The following MAGT1 variants were observed in gnomAD, a reference collection of about 807,000 sequenced individuals.
MAGT1 encodes the protein dolichyl-diphosphooligosaccharide--protein glycosyltransferase subunit MAGT1.
MAGT1 carries 4 observed loss-of-function variants against 28.4 expected under a neutral mutation model. That is an observed-to-expected ratio of 0.14 (90% CI 0.07 to 0.32). The LOEUF is 0.32. Among genes scored for constraint, MAGT1 ranks in the 10% least tolerant of loss-of-function variants. The pLI, the probability that MAGT1 is intolerant of heterozygous loss-of-function variation, is 1.00. For missense variants in MAGT1, 193 were observed against 264.5 expected, an observed-to-expected ratio of 0.73 and a Z score of 1.88; for synonymous variants, 89 against 89.7, an observed-to-expected ratio of 0.99 and a Z score of 0.04.
At chrX:77,876,572 A>C (rs782124439) in intron 1 of MAGT1, among the ~76,000 whole-genome samples, 1 of 111,521 alleles carries the variant, frequency 9.0e-6, no homozygotes, top group African/African-American at 3.3e-5. Context: ...ACAAAAAAAC[A>C]ACCCAGAAGT....
At chrX:77,881,705 A>AGTAGT (rs1557218479) in intron 1 of MAGT1, among the ~76,000 whole-genome samples, 4 of 111,050 alleles carry the variant, frequency 3.6e-5, no homozygotes, top group African/African-American at 9.8e-5. Context: ...TGCTATTGTG[A>AGTAGT]GTAGTGCCAA....
Position 77,871,933 on chromosome X carries a change from C to T in MAGT1, c.273-1008G>A, listed in dbSNP as rs190323760. Among the ~76,000 whole-genome samples the T allele has an allele frequency of 3.9e-4, 43 of 111,482 alleles. No homozygotes were observed. The East Asian group carries it at 0.011, about 28-fold the overall frequency. The stretch of plus-strand genomic sequence containing the variant: ...CTCATGATCTGTCAATTCTCATTTG[C>T]GATAAAAGTTTCACTCCATATCCTC... On this transcript the variant is annotated intron_variant, in intron 2 of 9. Coordinates refer to ENST00000618282, the MANE Select transcript of MAGT1 (RefSeq NM_001367916.1).
chrX:77,856,961 C>A, intron 4 of MAGT1, 88 bp from the exon 5 acceptor site: 2 of 875,655 alleles, frequency 2.3e-6, no homozygotes, highest in South Asian at 2.2e-5. Flanking sequence ...TGAAAGCAAT[C>A]AAAATTATTG....
intron 7 of MAGT1, among the ~76,000 whole-genome samples, chrX:77,842,367 C>T (rs987303278): frequency 1.5e-4 from 16 of 110,260 alleles, no homozygotes; most frequent in Non-Finnish European, 3.0e-4. Context: ...GCACTCTAGC[C>T]TGCATGATAG....
chrX:77,876,148 ATATATATATATATATATTTTTTTTTT>A (rs1191609626), intron 1 of MAGT1, among the ~76,000 whole-genome samples: 16 of 29,204 alleles, frequency 5.5e-4, no homozygotes, highest in South Asian at 2.5e-3. Context: ...ATATATATAT[ATATATATATATATATATTTTTTTTTT>A]TTTTTTTTTT....
At position 77,847,408 on chromosome X, in the gene MAGT1, C is replaced by T. The variant is rs1451924437; in HGVS notation, c.827-6088G>A. ...GGTGGGGCGATGCCTCGCCCTGCTT[C>T]GGTTCACGCTCAGTGCGCTGCATCC... On this transcript the variant is annotated intron_variant, in intron 7 of 9. Coordinates refer to ENST00000618282, the MANE Select transcript of MAGT1 (RefSeq NM_001367916.1). Among the ~76,000 whole-genome samples, 8 of 111,995 alleles carry T rather than the reference C, an allele frequency of 7.1e-5. No homozygotes were observed. In the East Asian group the frequency reaches 1.4e-3, roughly 20 times the overall value.
chrX:77,877,459 C>A (rs1439569644), intron 1 of MAGT1, among the ~76,000 whole-genome samples: 1 of 109,433 alleles, frequency 9.1e-6, no homozygotes, highest in Non-Finnish European at 1.9e-5. Flanking sequence ...CCACTGCACT[C>A]CAGCTTGGGT....
rs186937279 is a variant in MAGT1 at position 77,833,927 on chromosome X, A to C, written c.902-3032T>G. ...AAAACAGCATAGTACTGGTGTAAAA[A>C]CAGACATACAGACCAGTGGGACAGA... On this transcript the variant is annotated intron_variant, in intron 8 of 9. Transcript: ENST00000618282. Among the ~76,000 whole-genome samples the C allele has an allele frequency of 4.4e-3, 490 of 110,448 alleles. 4 individuals are homozygous for C. Among genetic ancestry groups the C allele is most frequent in the African/African-American group, 0.015 (465 of 30,415 alleles).
chrX:77,854,519 TTTTG>T (rs1233638684), intron 6 of MAGT1, among the ~76,000 whole-genome samples: 1 of 111,016 alleles, frequency 9.0e-6, no homozygotes, highest in Non-Finnish European at 1.9e-5. Context: ...TTCTTTTCTT[TTTTG>T]TTTTTCATAG....
chrX:77,864,095 C>T lies in MAGT1; in HGVS notation c.391-6598G>A, dbSNP rs781969253. Among the ~76,000 whole-genome samples, 62 of 110,882 alleles carry T rather than the reference C, an allele frequency of 5.6e-4. No individual in the cohort carries two copies. In the South Asian group the frequency reaches 0.019, roughly 35 times the overall value. ...AAAAAGAATGAAATCATGTTACTTG[C>T]AGCAATATGGATGGAACTGGAAGTT... On this transcript the variant is annotated intron_variant, in intron 3 of 9. Transcript: ENST00000618282.
At chrX:77,889,967 A>C (rs1603365408) in intron 1 of MAGT1, among the ~76,000 whole-genome samples, 1 of 112,219 alleles carries the variant, frequency 8.9e-6, no homozygotes. Context: ...CTATCATTCT[A>C]CTATCTCCAT....
chrX:77,895,529 G>C, upstream of MAGT1: 1 of 1,145,142 alleles, frequency 8.7e-7, no homozygotes, highest in South Asian at 2.0e-5. Flanking sequence ...GCCCTGCCGG[G>C]AGACCCCTCA....
Position 77,844,337 on chromosome X carries a change from C to A in MAGT1, c.827-3017G>T, listed in dbSNP as rs185547280. On this transcript the variant is annotated intron_variant, in intron 7 of 9. Coordinates refer to ENST00000618282, the MANE Select transcript of MAGT1 (RefSeq NM_001367916.1). Reference sequence around the variant, plus strand: ...TATTGCATCTATTTGATTCTTCTCTCTTTTCTTCTTTATTAGTCTTGCTAG... The same window carrying A: ...TATTGCATCTATTTGATTCTTCTCTATTTTCTTCTTTATTAGTCTTGCTAG... 7.8e-3 allele frequency among the ~76,000 whole-genome samples: 864 copies of A among 111,179 alleles called. 9 individuals carry two copies. Among genetic ancestry groups the A allele is most frequent in the African/African-American group, 0.027 (828 of 30,633 alleles).
intron 1 of MAGT1, among the ~76,000 whole-genome samples, chrX:77,887,626 T>C (rs1293739299): frequency 1.8e-5 from 2 of 111,676 alleles, no homozygotes; most frequent in African/African-American, 3.3e-5. Context: ...AACCTTCAAA[T>C]GGAAAAGTTA....
At chrX:77,895,519 G>A (rs1467096936), upstream of MAGT1, 2 of 1,153,427 alleles carry the variant, frequency 1.7e-6, no homozygotes, top group Non-Finnish European at 2.3e-6. Context: ...GTCCAGCTCA[G>A]CCCTGCCGGG....
Position 77,841,335 on chromosome X carries a change from T to G in MAGT1, c.827-15A>C. ...AACTCCACCATCTAAGAAAAATTGT[T>G]TAAGGAGAAATTCGCACAGACAAAA... On this transcript the variant is annotated splice_polypyrimidine_tract_variant and intron_variant, in intron 7 of 9. Transcript: ENST00000618282. The G allele has an allele frequency of 1.8e-6, 2 of 1,122,647 alleles. No individual in the cohort carries two copies. Among genetic ancestry groups the G allele is most frequent in the Non-Finnish European group, 2.5e-6 (2 of 814,637 alleles). The allele number at this position is 1,122,647 out of a possible 1,213,427, so 92.5% of individuals were successfully genotyped here. A position where few individuals can be genotyped will look rare whatever the true frequency, so the allele number is the denominator to read the frequency against.
intron 1 of MAGT1, among the ~76,000 whole-genome samples, chrX:77,882,385 A>G (rs2077055117): frequency 8.9e-6 from 1 of 111,787 alleles, no homozygotes; most frequent in African/African-American, 3.2e-5. Flanking sequence ...ACATGATTGT[A>G]TATCTAATTT....
chrX:77,861,893 C>A (rs1214127894), intron 3 of MAGT1, among the ~76,000 whole-genome samples: 1 of 111,260 alleles, frequency 9.0e-6, no homozygotes, highest in Admixed American at 9.7e-5. Flanking sequence ...TTGTCAGGAA[C>A]TGGGGGAGTG....
intron 3 of MAGT1, 82 bp from the exon 4 acceptor site, chrX:77,857,579 T>C: frequency 9.0e-7 from 1 of 1,111,520 alleles, no homozygotes; most frequent in Non-Finnish European, 1.2e-6. Context: ...TTTAGGCATT[T>C]TACAAAGATG....
Sources: gnomAD v4.1 joint callset for allele counts (sites outside exome capture counted in the v4.1 genomes callset) on GRCh38, gnomAD v4.1.1 for gene constraint, MANE v1.5 for transcripts, NCBI Gene and HGNC (gene_info 2026-07-23, HGNC 2026-07-21) for gene names.